CHLSN: variants seen among roughly 807,000 people sequenced by gnomAD.
CHLSN encodes the protein cholesin.
At chr7:1,018,081 A>G in the CHLSN span, among the ~76,000 whole-genome samples, 1 of 152,162 alleles carries the variant, frequency 6.6e-6, no homozygotes, top group Admixed American at 6.5e-5. Context: ...CACTCACACG[A>G]GCACGCATAC....
the CHLSN span, among the ~76,000 whole-genome samples, chr7:984,147 G>A: frequency 6.6e-6 from 1 of 152,212 alleles, no homozygotes; most frequent in Non-Finnish European, 1.5e-5. Context: ...CTCAGGGCTT[G>A]AGCCCCCCAG....
At chr7:1,063,623 G>A in the CHLSN span, among the ~76,000 whole-genome samples, 1 of 152,132 alleles carries the variant, frequency 6.6e-6, no homozygotes, top group African/African-American at 2.4e-5. Context: ...CCTCAGCCGC[G>A]CACGCTCACC....
the CHLSN span, among the ~76,000 whole-genome samples, chr7:1,015,412 G>A: frequency 2.0e-5 from 3 of 152,196 alleles, no homozygotes; most frequent in East Asian, 1.9e-4. Context: ...TTGGGCCATC[G>A]GAGCCCCTGC....
At chr7:1,117,371 G>A in the CHLSN span, among the ~76,000 whole-genome samples, 191 of 101,578 alleles carry the variant, frequency 1.9e-3, 21 homozygotes, top group African/African-American at 9.1e-3. Flanking sequence ...GCAGCTCTAC[G>A]GACCGGCTTC....
the CHLSN span, among the ~76,000 whole-genome samples, chr7:1,014,237 G>A: frequency 6.6e-6 from 1 of 152,270 alleles, no homozygotes; most frequent in Admixed American, 6.5e-5. Context: ...GCACCTTCCA[G>A]AGAAGAGAGC....
the CHLSN span, chr7:983,505 G>A: frequency 9.4e-7 from 1 of 1,059,710 alleles, no homozygotes; most frequent in Non-Finnish European, 1.3e-6. Context: ...GGGCCCAGCG[G>A]GGCACGCAGG....
chr7:1,039,242 G>A, the CHLSN span, among the ~76,000 whole-genome samples: 1 of 47,742 alleles, frequency 2.1e-5, no homozygotes, highest in African/African-American at 1.9e-4. Flanking sequence ...AGGTGGGGGG[G>A]GTCAGCCCCC....
the CHLSN span, among the ~76,000 whole-genome samples, chr7:1,107,754 G>A: frequency 1.3e-5 from 2 of 152,186 alleles, no homozygotes; most frequent in Non-Finnish European, 2.9e-5. Flanking sequence ...CACGCCCCGG[G>A]AGGAAGCAGA....
At chr7:1,087,422 A>G in the CHLSN span, among the ~76,000 whole-genome samples, 740 of 152,360 alleles carry the variant, frequency 4.9e-3, 4 homozygotes, top group African/African-American at 0.017. Context: ...AAAGCTAAAT[A>G]CGAAATTCAT....
chr7:1,009,104 C>T, the CHLSN span, among the ~76,000 whole-genome samples: 146 of 152,296 alleles, frequency 9.6e-4, no homozygotes, highest in Admixed American at 2.0e-3. Context: ...CTGCTCATTC[C>T]GCTAGCTGCA....
chr7:1,031,210 G>C, the CHLSN span, among the ~76,000 whole-genome samples: 1 of 152,242 alleles, frequency 6.6e-6, no homozygotes, highest in African/African-American at 2.4e-5. Flanking sequence ...GACAGAACAA[G>C]ACAAAGATGC....
At chr7:1,008,666 C>G in the CHLSN span, among the ~76,000 whole-genome samples, 1 of 152,154 alleles carries the variant, frequency 6.6e-6, no homozygotes, top group South Asian at 2.1e-4. Context: ...CGGCGCTGAG[C>G]CTGGTGCAGG....
chr7:991,913 G>C, the CHLSN span, among the ~76,000 whole-genome samples: 1 of 152,146 alleles, frequency 6.6e-6, no homozygotes, highest in Admixed American at 6.5e-5. Context: ...TGGGGACCTC[G>C]AGTGAGTGGG....
chr7:1,018,023 A>C, the CHLSN span, among the ~76,000 whole-genome samples: 1 of 152,188 alleles, frequency 6.6e-6, no homozygotes, highest in Non-Finnish European at 1.5e-5. Flanking sequence ...ATAATGACCC[A>C]AAGTCCCCAC....
chr7:1,112,456 GGAGA>G, the CHLSN span, among the ~76,000 whole-genome samples: 1 of 152,200 alleles, frequency 6.6e-6, no homozygotes, highest in Admixed American at 6.5e-5. Context: ...AAAGGCTCCT[GGAGA>G]AAGAGACCAC....
chr7:995,439 G>A, the CHLSN span, among the ~76,000 whole-genome samples: 2 of 152,196 alleles, frequency 1.3e-5, no homozygotes, highest in African/African-American at 4.8e-5. Flanking sequence ...GGTCGGTGAG[G>A]ACTCAGCAGT....
At chr7:1,092,317 C>T in the CHLSN span, 1 of 1,611,608 alleles carries the variant, frequency 6.2e-7, no homozygotes, top group Non-Finnish European at 8.5e-7. Context: ...CACCGCCGTG[C>T]ACCTGCAGCA....
At chr7:1,084,769 A>T in the CHLSN span, among the ~76,000 whole-genome samples, 1 of 152,186 alleles carries the variant, frequency 6.6e-6, no homozygotes, top group Non-Finnish European at 1.5e-5. Flanking sequence ...ATCACACAGC[A>T]CGTGGGGTGA....
At chr7:1,090,662 C>T in the CHLSN span, among the ~76,000 whole-genome samples, 3 of 152,358 alleles carry the variant, frequency 2.0e-5, no homozygotes, top group South Asian at 6.2e-4. Context: ...AGAGCCCGGG[C>T]ACCGCCGTGG....
Sources: gnomAD v4.1 joint callset for allele counts (sites outside exome capture counted in the v4.1 genomes callset) on GRCh38, gnomAD v4.1.1 for gene constraint, MANE v1.5 for transcripts, NCBI Gene and HGNC (gene_info 2026-07-23, HGNC 2026-07-21) for gene names.